MYO6: variants seen among roughly 807,000 people sequenced by gnomAD.
The protein encoded by MYO6 is unconventional myosin-VI.
MYO6 carries 74 observed loss-of-function variants against 178.7 expected under a neutral mutation model. That is an observed-to-expected ratio of 0.41 (90% CI 0.34 to 0.50). The LOEUF is 0.50. Among genes scored for constraint, MYO6 ranks in the 20% least tolerant of loss-of-function variants. The pLI, the probability that MYO6 is intolerant of heterozygous loss-of-function variation, is 0.09. For missense variants in MYO6, 1,330 were observed against 1,547.4 expected, an observed-to-expected ratio of 0.86 and a Z score of 2.36; for synonymous variants, 477 against 504.6, an observed-to-expected ratio of 0.95 and a Z score of 0.73.
chr6:75,896,979 G>A (rs550132044), intron 29 of MYO6, among the ~76,000 whole-genome samples: 5 of 152,244 alleles, frequency 3.3e-5, no homozygotes, highest in South Asian at 4.1e-4. Flanking sequence ...TTGTTGCAGT[G>A]TATTGGTCTA....
At chr6:75,750,301 T>A (rs1460825174) in intron 1 of MYO6, among the ~76,000 whole-genome samples, 3 of 152,086 alleles carry the variant, frequency 2.0e-5, no homozygotes, top group African/African-American at 7.2e-5. Flanking sequence ...TTCACCATCT[T>A]GGCCAGGCAG....
intron 1 of MYO6, among the ~76,000 whole-genome samples, chr6:75,754,096 A>C (rs1777133146): frequency 6.6e-6 from 1 of 152,232 alleles, no homozygotes; most frequent in South Asian, 2.1e-4. Context: ...GTGAAACCAA[A>C]ACACCAAAGC....
intron 23 of MYO6, among the ~76,000 whole-genome samples, chr6:75,883,429 A>T (rs916407128): frequency 6.6e-6 from 1 of 152,114 alleles, no homozygotes; most frequent in Non-Finnish European, 1.5e-5. Flanking sequence ...GTTCTTGGAG[A>T]ATATGTTCAT....
At chr6:75,884,407 C>T (rs949631740) in intron 23 of MYO6, among the ~76,000 whole-genome samples, 1 of 152,050 alleles carries the variant, frequency 6.6e-6, no homozygotes, top group Admixed American at 6.5e-5. Context: ...ACAAATGTTG[C>T]CTAAGACAGT....
chr6:75,799,037 A>G (rs544962472), intron 1 of MYO6, among the ~76,000 whole-genome samples: 10 of 152,358 alleles, frequency 6.6e-5, no homozygotes, highest in African/African-American at 1.9e-4. Flanking sequence ...ATACTTAAAA[A>G]TATAGCTAAC....
chr6:75,890,410 G>A (rs181732253), intron 26 of MYO6, 145 bp downstream of exon 26: 146 of 1,134,980 alleles, frequency 1.3e-4, no homozygotes, highest in African/African-American at 4.7e-4. Flanking sequence ...GCAGTGGCGC[G>A]ATCTTGGCTT....
intron 3 of MYO6, among the ~76,000 whole-genome samples, chr6:75,825,104 G>T (rs1772321710): frequency 6.6e-6 from 1 of 152,128 alleles, no homozygotes; most frequent in South Asian, 2.1e-4. Flanking sequence ...GTAGAAATTA[G>T]TATGTTAATT....
intron 1 of MYO6, among the ~76,000 whole-genome samples, chr6:75,805,980 A>G (rs1291765938): frequency 6.6e-6 from 1 of 152,120 alleles, no homozygotes; most frequent in Non-Finnish European, 1.5e-5. Context: ...GACCACATGG[A>G]TTTTCTGAAA....
At chr6:75,881,305 T>A (rs1583349400) in intron 22 of MYO6, among the ~76,000 whole-genome samples, 1 of 152,104 alleles carries the variant, frequency 6.6e-6, no homozygotes, top group South Asian at 2.1e-4. Context: ...TATGCACTTA[T>A]CAAAAGCTCC....
At chr6:75,777,646 A>G (rs1168575610) in intron 1 of MYO6, among the ~76,000 whole-genome samples, 1 of 151,894 alleles carries the variant, frequency 6.6e-6, no homozygotes, top group Non-Finnish European at 1.5e-5. Context: ...TGTGTTGCCC[A>G]GGCTGGTCTC....
chr6:75,906,694 AAAAC>A, intron 30 of MYO6, among the ~76,000 whole-genome samples: 1 of 152,202 alleles, frequency 6.6e-6, no homozygotes, highest in Admixed American at 6.5e-5. Context: ...CAAAAAACAA[AAAAC>A]AAACAAAACG....
At chr6:75,803,498 C>G (rs547440777) in intron 1 of MYO6, among the ~76,000 whole-genome samples, 1 of 152,046 alleles carries the variant, frequency 6.6e-6, no homozygotes, top group African/African-American at 2.4e-5. Flanking sequence ...GGTGTCATAG[C>G]TGGAATGGAC....
chr6:75,788,644 G>T (rs933198344), intron 1 of MYO6, among the ~76,000 whole-genome samples: 2 of 152,156 alleles, frequency 1.3e-5, no homozygotes, highest in Non-Finnish European at 2.9e-5. Context: ...CACCATGTTG[G>T]CCAGGCTGGT....
At chr6:75,887,819 A>C (rs1372426492) in intron 25 of MYO6, among the ~76,000 whole-genome samples, 2 of 141,482 alleles carry the variant, frequency 1.4e-5, no homozygotes, top group South Asian at 2.2e-4. Context: ...TAAAAATACA[A>C]AAAAAAAAAA....
chr6:75,762,168 C>T (rs796961837), intron 1 of MYO6, among the ~76,000 whole-genome samples: 12 of 152,268 alleles, frequency 7.9e-5, no homozygotes, highest in African/African-American at 2.9e-4. Flanking sequence ...ATATCCTGAC[C>T]TCATGATCCG....
At chr6:75,753,455 G>GTGTATATATATATATATATATATATA (rs370647728) in intron 1 of MYO6, among the ~76,000 whole-genome samples, 3 of 140,040 alleles carry the variant, frequency 2.1e-5, no homozygotes, top group African/African-American at 8.1e-5. Context: ...GTGTGTGTGT[G>GTGTATATATATATATATATATATATA]TATATATATA....
At chr6:75,874,409 T>G (rs1251607846) in intron 20 of MYO6, among the ~76,000 whole-genome samples, 1 of 152,224 alleles carries the variant, frequency 6.6e-6, no homozygotes, top group Non-Finnish European at 1.5e-5. Flanking sequence ...ATGTTCTGTT[T>G]CTCATCAGAG....
intron 1 of MYO6, among the ~76,000 whole-genome samples, chr6:75,773,108 A>T (rs1335040405): frequency 6.6e-6 from 1 of 152,232 alleles, no homozygotes; most frequent in Non-Finnish European, 1.5e-5. Flanking sequence ...TATGCTAGTG[A>T]TAAACATGAG....
intron 6 of MYO6, among the ~76,000 whole-genome samples, chr6:75,835,441 TA>T (rs1773545579): frequency 6.6e-6 from 1 of 152,092 alleles, no homozygotes; most frequent in African/African-American, 2.4e-5. Flanking sequence ...TATATATATA[TA>T]TTTTTTTGAA....
Sources: allele counts gnomAD v4.1 joint callset (sites outside exome capture counted in the v4.1 genomes callset), GRCh38; gene constraint gnomAD v4.1.1; transcripts MANE v1.5; gene names NCBI Gene and HGNC (gene_info 2026-07-23, HGNC 2026-07-21).